The following SYNM variants were observed in gnomAD, a reference collection of about 807,000 sequenced individuals.
The protein encoded by SYNM is synemin.
Under a neutral mutation model 104.0 loss-of-function variants are expected in SYNM, and 95 were observed. That is an observed-to-expected ratio of 0.91 (90% CI 0.77 to 1.08). The LOEUF (loss-of-function observed/expected upper bound fraction) is 1.08, where lower values mean the gene tolerates loss of function less well. Ranked by LOEUF, SYNM falls within the 50% of genes least tolerant of loss-of-function variation. SYNM has a pLI of 0.00. For missense variants in SYNM, 2,150 were observed against 2,052.2 expected, an observed-to-expected ratio of 1.05 and a Z score of -0.92; for synonymous variants, 918 against 869.0, an observed-to-expected ratio of 1.06 and a Z score of -0.99.
Position 99,130,321 on chromosome 15 carries a change from C to G in SYNM, c.1961C>G (p.Pro654Arg). ...TSILKQFTQSPETEASADSFP... is the reference protein window; with the variant it reads ...TSILKQFTQSRETEASADSFP... ...ATCCTGAAGCAGTTCACTCAGTCTCCAGAGACAGAAGCATCTGCTGATTCT... is the reference window on the plus strand; with the variant it reads ...ATCCTGAAGCAGTTCACTCAGTCTCGAGAGACAGAAGCATCTGCTGATTCT... The change falls in exon 4 of 4, where the codon CCA becomes CGA. Residue 654 changes from proline to arginine, a missense_variant. Coordinates refer to ENST00000336292, the MANE Select transcript of SYNM (RefSeq NM_145728.3). 6.2e-7 allele frequency: 1 copy of G among 1,613,824 alleles called. No homozygotes were observed. The highest frequency in any genetic ancestry group is 8.5e-7 in the Non-Finnish European group (1 of 1,179,820).
downstream of SYNM, chr15:99,135,613 G>A (rs1301325035): frequency 6.6e-6 from 1 of 152,582 alleles, no homozygotes; most frequent in Non-Finnish European, 1.5e-5. Context: ...TAAAGAGAAT[G>A]AATATTTTCA....
Position 99,130,726 on chromosome 15 carries a change from G to A in SYNM, c.2366G>A (p.Gly789Asp), listed in dbSNP as rs782094821. 1.9e-6 allele frequency: 3 copies of A among 1,611,000 alleles called. No homozygotes were observed. Among genetic ancestry groups the A allele is most frequent in the Non-Finnish European group, 2.5e-6 (3 of 1,177,520 alleles). ...GPWGLVKEEE[G>D]YGESDVTFSV... Reference sequence around the variant, plus strand: ...TGGGGGTTGGTTAAGGAGGAGGAAGGTTATGGAGAAAGCGATGTCACATTC... The same window carrying A: ...TGGGGGTTGGTTAAGGAGGAGGAAGATTATGGAGAAAGCGATGTCACATTC... The change falls in exon 4 of 4, where the codon GGT becomes GAT. Residue 789 changes from glycine to aspartate, a missense_variant. Coordinates refer to ENST00000336292, the MANE Select transcript of SYNM (RefSeq NM_145728.3).
intron 3 of SYNM, among the ~76,000 whole-genome samples, chr15:99,128,500 A>T (rs2067468018): frequency 6.6e-6 from 1 of 152,160 alleles, no homozygotes. Flanking sequence ...ATCTGTGCAA[A>T]GGAGGCCTCT....
intron 3 of SYNM, among the ~76,000 whole-genome samples, chr15:99,128,389 C>T (rs1382791922): frequency 6.6e-6 from 1 of 152,228 alleles, no homozygotes; most frequent in Non-Finnish European, 1.5e-5. Context: ...CCTGGGGGTT[C>T]ATCTTCTGGG....
Position 99,129,363 on chromosome 15 carries a change from A to G in SYNM, c.1007-4A>G. ...TTAATGAATGCTTTGTTCAATTTCT[A>G]CAGAATTCAGAAACAAATCCTATCA... is the stretch of plus-strand genomic sequence containing the variant. On this transcript the variant is annotated splice_polypyrimidine_tract_variant and splice_region_variant and intron_variant, in intron 3 of 3. Coordinates refer to ENST00000336292, the MANE Select transcript of SYNM (RefSeq NM_145728.3). 5 of 1,608,188 alleles carry G rather than the reference A, an allele frequency of 3.1e-6. No homozygotes were observed. The highest frequency in any genetic ancestry group is 2.2e-5 in the South Asian group (2 of 90,982).
chr15:99,125,374 G>T (rs1596130702), intron 2 of SYNM, among the ~76,000 whole-genome samples: 1 of 152,256 alleles, frequency 6.6e-6, no homozygotes, highest in Non-Finnish European at 1.5e-5. Flanking sequence ...TCATGAGGGC[G>T]TGGGATTAAT....
intron 1 of SYNM, among the ~76,000 whole-genome samples, chr15:99,106,455 C>G (rs1336328938): frequency 6.6e-6 from 1 of 152,186 alleles, no homozygotes; most frequent in Non-Finnish European, 1.5e-5. Context: ...GGGGAAAACT[C>G]AAATTAATTT....
downstream of SYNM, chr15:99,137,110 C>G (rs2067650253): frequency 6.6e-6 from 1 of 152,300 alleles, no homozygotes; most frequent in South Asian, 2.1e-4. Context: ...GCACCCCTAC[C>G]CCTGGGTGTT....
Position 99,130,718 on chromosome 15 carries a change from G to A in SYNM, c.2358G>A (p.Glu786=). 6.2e-7 allele frequency: 1 copy of A among 1,613,934 alleles called. No homozygotes were observed. The highest frequency in any genetic ancestry group is 2.2e-5 in the East Asian group (1 of 44,868). The change falls in exon 4 of 4, where the codon GAG becomes GAA. Residue 786 remains glutamate (E), a synonymous_variant. Coordinates refer to ENST00000336292, the MANE Select transcript of SYNM (RefSeq NM_145728.3). ...VSPGPWGLVK[E]EEGYGESDVT... is the part of the protein sequence containing the mutation. ...CAGGCCCCTGGGGGTTGGTTAAGGAGGAGGAAGGTTATGGAGAAAGCGATG... is the reference window on the plus strand; with the variant it reads ...CAGGCCCCTGGGGGTTGGTTAAGGAAGAGGAAGGTTATGGAGAAAGCGATG...
In SYNM at chr15:99,130,306, A is replaced by G. The variant is rs1555485567; in HGVS notation, c.1946A>G (p.Gln649Arg). Residue 649 changes from glutamine (Q) to arginine (R), a missense_variant, in exon 4 of 4, where the codon CAG becomes CGG. By Grantham distance (43) the Gln-to-Arg change is conservative. Coordinates refer to ENST00000336292, the MANE Select transcript of SYNM (RefSeq NM_145728.3). ...AENIVTSILK[Q>R]FTQSPETEAS... ...AACATCGTTACCAGTATCCTGAAGCAGTTCACTCAGTCTCCAGAGACAGAA... is the reference window on the plus strand; with the variant it reads ...AACATCGTTACCAGTATCCTGAAGCGGTTCACTCAGTCTCCAGAGACAGAA... 4.3e-6 allele frequency: 7 copies of G among 1,613,956 alleles called. No homozygotes were observed. The African/African-American group carries it at 8.0e-5, about 18-fold the overall frequency.
chr15:99,127,736 A>G (rs1452872980), intron 3 of SYNM, among the ~76,000 whole-genome samples: 1 of 152,226 alleles, frequency 6.6e-6, no homozygotes, highest in Non-Finnish European at 1.5e-5. Flanking sequence ...CCTGCCTGGC[A>G]TCAGTTAACG....
rs1167752646 is a variant in SYNM at position 99,133,349 on chromosome 15, C to T, written c.*291C>T. Reference sequence around the variant, plus strand: ...TGGAGATGAATTTCTATGTTTTGCACCTGGTCACAGACATGGCTTGCATCT... The same window carrying T: ...TGGAGATGAATTTCTATGTTTTGCATCTGGTCACAGACATGGCTTGCATCT... On this transcript the variant is annotated 3_prime_UTR_variant, in exon 4 of 4. Coordinates refer to ENST00000336292, the MANE Select transcript of SYNM (RefSeq NM_145728.3). The T allele has an allele frequency of 7.4e-5, 30 of 402,718 alleles. 1 individual carries two copies. In the South Asian group the frequency reaches 8.3e-4, roughly 11 times the overall value. The allele number at this position is 402,718 out of a possible 1,614,324, so 24.9% of individuals were successfully genotyped here. A position where few individuals can be genotyped will look rare whatever the true frequency, so the allele number is the denominator to read the frequency against.
chr15:99,109,815 G>A (rs782671304), intron 1 of SYNM, among the ~76,000 whole-genome samples: 1 of 152,154 alleles, frequency 6.6e-6, no homozygotes, highest in Non-Finnish European at 1.5e-5. Context: ...GTTTTTCGGG[G>A]ATGCCTCAGC....
At chr15:99,139,763 AAT>A (rs1555489355), downstream of SYNM, 2 of 1,309,054 alleles carry the variant, frequency 1.5e-6, no homozygotes, top group South Asian at 1.2e-5. Flanking sequence ...GATTTAAAAA[AAT>A]AGTTTTGTTT....
chr15:99,137,903 A>C, downstream of SYNM: 1 of 1,534,424 alleles, frequency 6.5e-7, no homozygotes, highest in Non-Finnish European at 8.8e-7. Context: ...TGGCCTTGGA[A>C]ATCTGTATCC....
rs2067563665 is a variant in SYNM, at chr15:99,135,579, T to G, written c.*2521T>G. ...ACAAGAATGTGCAAAAATAAAAATCTGAGGAAAAAACCCACATTGTTCCTA... is the reference window on the plus strand; with the variant it reads ...ACAAGAATGTGCAAAAATAAAAATCGGAGGAAAAAACCCACATTGTTCCTA... On this transcript the variant is annotated 3_prime_UTR_variant, in exon 4 of 4. Transcript: ENST00000336292. The G allele has an allele frequency of 6.6e-6, 1 of 152,622 alleles. No homozygotes were observed. Among genetic ancestry groups the G allele is most frequent in the African/African-American group, 2.4e-5 (1 of 41,442 alleles). 9.5% of individuals were successfully genotyped at this position (152,622 alleles called of 1,614,324 possible). A position where few individuals can be genotyped will look rare whatever the true frequency, so the allele number is the denominator to read the frequency against.
In SYNM at chr15:99,132,721, G is replaced by T. The variant is rs536805841; in HGVS notation, c.4361G>T (p.Gly1454Val). The change falls in exon 4 of 4, where the codon GGG (glycine) becomes GTG (valine). Residue 1454 changes from glycine to valine, a missense_variant. Physicochemically the swap from Gly to Val is moderately radical, Grantham distance 109 (BLOSUM62 -3). Transcript: ENST00000336292. ...AGAACGCTAAGGCACATTGCACCAG[G>T]GCCCAAAGAAACTTCGTTTACCTTT... ...SSRTLRHIAP[G>V]PKETSFTFQM... The T allele has an allele frequency of 1.9e-6, 3 of 1,613,938 alleles. No individual in the cohort carries two copies. The Admixed American group carries it at 5.0e-5, about 27-fold the overall frequency.
At chr15:99,129,142 G>A (rs1220233563) in intron 3 of SYNM, 11 of 586,044 alleles carry the variant, frequency 1.9e-5, no homozygotes, top group African/African-American at 9.3e-5. Context: ...GGAGAAACGT[G>A]TTAGGCTGAA....
Position 99,105,647 on chromosome 15 carries a change from C to G in SYNM, c.448C>G (p.Arg150Gly). The G allele has an allele frequency of 7.3e-7, 1 of 1,372,028 alleles. No individual in the cohort carries two copies. Among genetic ancestry groups the G allele is most frequent in the Non-Finnish European group, 9.4e-7 (1 of 1,062,918 alleles). The allele number at this position is 1,372,028 out of a possible 1,614,324, so 85.0% of individuals were successfully genotyped here. ...CCGAGGCCTCGACGCGGCCCACGAACGCGACGTGAGGGAGCTGCGCGCGCG... is the reference window on the plus strand; with the variant it reads ...CCGAGGCCTCGACGCGGCCCACGAAGGCGACGTGAGGGAGCTGCGCGCGCG... The part of the protein sequence containing the change: ...ERRGLDAAHE[R>G]DVRELRARAA... Residue 150 changes from arginine to glycine, a missense_variant, in exon 1 of 4, where the codon CGC becomes GGC. Physicochemically the swap from Arg to Gly is moderately radical, Grantham distance 125 (BLOSUM62 -2). Transcript: ENST00000336292.
Sources: gnomAD v4.1 joint callset for allele counts (sites outside exome capture counted in the v4.1 genomes callset) on GRCh38, gnomAD v4.1.1 for gene constraint, MANE v1.5 for transcripts, NCBI Gene and HGNC (gene_info 2026-07-23, HGNC 2026-07-21) for gene names.